Variants in ZNF107 observed in about 807,000 individuals in gnomAD.
ZNF107 encodes zinc finger protein 107.
A neutral mutation model predicts 12.3 loss-of-function variants in ZNF107; 19 were observed. That is an observed-to-expected ratio of 1.55 (90% CI 1.08 to 2.27). ZNF107 has a LOEUF of 2.27. ZNF107 is among the 30% of genes most tolerant of loss of function. The pLI is 0.00. For missense variants in ZNF107, 958 were observed against 979.9 expected, an observed-to-expected ratio of 0.98 and a Z score of 0.30; for synonymous variants, 317 against 330.5, an observed-to-expected ratio of 0.96 and a Z score of 0.44.
At chr7:64,666,428 C>G in intron 1 of ZNF107, 143 bp downstream of exon 1, 1 of 1,163,800 alleles carries the variant, frequency 8.6e-7, no homozygotes, top group Non-Finnish European at 1.2e-6. Flanking sequence ...TCCCCCGCGG[C>G]CCCGAGTTCT....
In ZNF107 at chr7:64,708,699, A is replaced by T; in HGVS notation, c.*43A>T. On this transcript the variant is annotated 3_prime_UTR_variant, in exon 4 of 4. Coordinates refer to ENST00000620827, the MANE Select transcript of ZNF107 (RefSeq NM_001282359.2). ...CTACACATAGGAAAATTCATACTGG[A>T]GAGAAACTACAAATGTGAAGAATGT... 6.5e-7 allele frequency: 1 copy of T among 1,536,250 alleles called. No individual in the cohort carries two copies. Among genetic ancestry groups the T allele is most frequent in the Non-Finnish European group, 8.8e-7 (1 of 1,134,958 alleles).
At position 64,690,643 on chromosome 7, in the gene ZNF107, C is replaced by CA. The variant is rs1003148851; in HGVS notation, c.4-598dup. On this transcript the variant is annotated intron_variant, in intron 1 of 3. Coordinates refer to ENST00000620827, the MANE Select transcript of ZNF107 (RefSeq NM_001282359.2). Reference sequence around the variant, plus strand: ...AGATCCAGTAGTTTCCCACAAGTCACAAAAAAATAAACACAGTGAAAATTT... The same window carrying CA: ...AGATCCAGTAGTTTCCCACAAGTCACAAAAAAAATAAACACAGTGAAAATTT... The CA allele has an allele frequency of 8.9e-5, 58 of 653,188 alleles. No individual in the cohort carries two copies. The African/African-American group carries it at 9.1e-4, about 10-fold the overall frequency. The allele number at this position is 653,188 out of a possible 1,614,324, so 40.5% of individuals were successfully genotyped here.
intron 1 of ZNF107, among the ~76,000 whole-genome samples, chr7:64,666,888 G>A (rs896004641): frequency 3.5e-5 from 5 of 142,624 alleles, no homozygotes; most frequent in African/African-American, 5.5e-5. Context: ...GTTAGGTAGA[G>A]TTACGTAGTT....
Position 64,707,484 on chromosome 7 carries a change from A to C in ZNF107, c.1387A>C (p.Asn463His). Residue 463 changes from asparagine (N) to histidine (H), a missense_variant, in exon 4 of 4, where the codon AAC becomes CAC. Transcript: ENST00000620827. ...ATGTGAAGAATGTGGCAAAGCTTTT[A>C]ACCAACACTCAAACCTAATTAACCA... The part of the protein sequence containing the change: ...YKCEECGKAF[N>H]QHSNLINHRK... The C allele has an allele frequency of 6.2e-7, 1 of 1,613,506 alleles. No individual in the cohort carries two copies. Among genetic ancestry groups the C allele is most frequent in the Non-Finnish European group, 8.5e-7 (1 of 1,179,698 alleles).
rs752560543 is a variant in ZNF107, at chr7:64,707,876, C to A, written c.1779C>A (p.Asn593Lys). The change falls in exon 4 of 4, where the codon AAC becomes AAA. Residue 593 changes from asparagine (N) to lysine (K), a missense_variant. Physicochemically the swap from Asn to Lys is moderately conservative, Grantham distance 94. Coordinates refer to ENST00000620827, the MANE Select transcript of ZNF107 (RefSeq NM_001282359.2). ...HKIVHTKEKL[N>K]KCEEFGKAFK... ...TAGTTCATACTAAAGAGAAACTCAA[C>A]AAATGTGAAGAATTTGGCAAGGCCT... 4.3e-6 allele frequency: 7 copies of A among 1,613,548 alleles called. No homozygotes were observed. Among genetic ancestry groups the A allele is most frequent in the Non-Finnish European group, 2.5e-6 (3 of 1,179,802 alleles).
intron 1 of ZNF107, among the ~76,000 whole-genome samples, chr7:64,680,869 A>G (rs535877557): frequency 3.0e-4 from 46 of 152,324 alleles, no homozygotes; most frequent in Non-Finnish European, 6.3e-4. Context: ...CTCCGCCGTA[A>G]GACGAACCCC....
At chr7:64,692,411 T>C (rs1345356960) in intron 3 of ZNF107, among the ~76,000 whole-genome samples, 1 of 152,220 alleles carries the variant, frequency 6.6e-6, no homozygotes, top group African/African-American at 2.4e-5. Flanking sequence ...TCTGTTGTTA[T>C]TACTATAGTC....
chr7:64,677,628 C>T (rs767423609), intron 1 of ZNF107, among the ~76,000 whole-genome samples: 4 of 150,956 alleles, frequency 2.6e-5, no homozygotes, highest in South Asian at 2.1e-4. Flanking sequence ...CCGAGGCGGG[C>T]GGATCATGAG....
intron 1 of ZNF107, among the ~76,000 whole-genome samples, chr7:64,675,555 T>G (rs994271979): frequency 1.3e-5 from 2 of 152,158 alleles, no homozygotes; most frequent in Non-Finnish European, 2.9e-5. Flanking sequence ...ACTCCTAGGT[T>G]TCTTGATCTT....
intron 2 of ZNF107, 58 bp from the exon 3 acceptor site, chr7:64,691,807 T>G: frequency 2.0e-6 from 2 of 983,218 alleles, no homozygotes; most frequent in Non-Finnish European, 2.7e-6. Context: ...CCTTACTGGA[T>G]TAGTAATTGG....
Position 64,695,634 on chromosome 7 carries a change from A to G in ZNF107, c.226+3674A>G, listed in dbSNP as rs181279419. Among the ~76,000 whole-genome samples the G allele has an allele frequency of 4.2e-3, 641 of 152,314 alleles. 7 individuals carry two copies. Among genetic ancestry groups the G allele is most frequent in the Middle Eastern group, 6.8e-3 (2 of 294 alleles). The stretch of plus-strand genomic sequence containing the variant: ...GCCATATGTCTATTACAATCAGATT[A>G]TATATGTGCGTGTTTTATATATAAA... On this transcript the variant is annotated intron_variant, in intron 3 of 3. Transcript: ENST00000620827.
chr7:64,691,065 G>T (rs1260521612), intron 1 of ZNF107, among the ~76,000 whole-genome samples, 183 bp from the exon 2 acceptor site: 1 of 152,204 alleles, frequency 6.6e-6, no homozygotes, highest in East Asian at 1.9e-4. Context: ...GTAGAGACGG[G>T]GTTTCACCAT....
Position 64,710,465 on chromosome 7 carries a change from G to A in ZNF107, c.*1809G>A, listed in dbSNP as rs1255113733. 1 of 152,116 alleles carries A rather than the reference G, an allele frequency of 6.6e-6. No individual in the cohort carries two copies. Among genetic ancestry groups the A allele is most frequent in the East Asian group, 1.9e-4 (1 of 5,196 alleles). 9.4% of individuals were successfully genotyped at this position (152,116 alleles called of 1,614,324 possible). A position where few individuals can be genotyped will look rare whatever the true frequency, so the allele number is the denominator to read the frequency against. ...TATAAATATCAGAGAATTCACAGTAGAAATATCTAAGGTACTGACACTTCA... is the reference window on the plus strand; with the variant it reads ...TATAAATATCAGAGAATTCACAGTAAAAATATCTAAGGTACTGACACTTCA... On this transcript the variant is annotated 3_prime_UTR_variant, in exon 4 of 4. Transcript: ENST00000620827.
chr7:64,691,410 C>A, intron 2 of ZNF107, 36 bp downstream of exon 2: 2 of 1,372,836 alleles, frequency 1.5e-6, no homozygotes, highest in Non-Finnish European at 1.9e-6. Flanking sequence ...CCCAAAATAC[C>A]CTTAAAGTTT....
rs1426095566 is a variant in ZNF107 at position 64,707,423 on chromosome 7, A to G, written c.1326A>G (p.Glu442=). The G allele has an allele frequency of 1.2e-6, 2 of 1,613,286 alleles. No individual in the cohort carries two copies. Among genetic ancestry groups the G allele is most frequent in the Admixed American group, 1.7e-5 (1 of 59,936 alleles). Residue 442 remains glutamate (E), a synonymous_variant, in exon 4 of 4, where the codon GAA becomes GAG. Transcript: ENST00000620827. ...KAFNQSSNLT[E]HKKIHTAEKS... ...TTAACCAATCTTCAAACCTTACTGA[A>G]CATAAGAAAATTCATACTGCAGAGA...
rs930873034 is a variant in ZNF107 at position 64,710,352 on chromosome 7, A to T, written c.*1696A>T. ...GTGAAAACATTTTTTAAAAAACTAC[A>T]GCTTAGAAAATACCAGAGGCCTCAT... is the stretch of plus-strand genomic sequence containing the variant. On this transcript the variant is annotated 3_prime_UTR_variant, in exon 4 of 4. Coordinates refer to ENST00000620827, the MANE Select transcript of ZNF107 (RefSeq NM_001282359.2). The T allele has an allele frequency of 6.6e-6, 1 of 152,192 alleles. No homozygotes were observed. The highest frequency in any genetic ancestry group is 1.5e-5 in the Non-Finnish European group (1 of 68,022). The allele number at this position is 152,192 out of a possible 1,614,324, so 9.4% of individuals were successfully genotyped here.
rs773322284 is a variant in ZNF107, at chr7:64,691,937, A to G, written c.203A>G (p.His68Arg). ...AAAGAGCCCTGGAATATAAAAAGACATGAGATGGTAGCCAAACCCCCAGGT... is the reference window on the plus strand; with the variant it reads ...AAAGAGCCCTGGAATATAAAAAGACGTGAGATGGTAGCCAAACCCCCAGGT... ...QKKEPWNIKRHEMVAKPPVMS... is the reference protein window; with the variant it reads ...QKKEPWNIKRREMVAKPPVMS... The change falls in exon 3 of 4, where the codon CAT becomes CGT. Residue 68 changes from histidine (H) to arginine (R), a missense_variant. Coordinates refer to ENST00000620827, the MANE Select transcript of ZNF107 (RefSeq NM_001282359.2). The G allele has an allele frequency of 6.6e-7, 1 of 1,524,988 alleles. No homozygotes were observed. The highest frequency in any genetic ancestry group is 8.8e-7 in the Non-Finnish European group (1 of 1,138,524). The allele number at this position is 1,524,988 out of a possible 1,614,324, so 94.5% of individuals were successfully genotyped here. A position where few individuals can be genotyped will look rare whatever the true frequency, so the allele number is the denominator to read the frequency against.
chr7:64,688,919 C>T (rs1790019993), intron 1 of ZNF107, among the ~76,000 whole-genome samples: 1 of 151,956 alleles, frequency 6.6e-6, no homozygotes, highest in Non-Finnish European at 1.5e-5. Flanking sequence ...TTTTTGTAAA[C>T]AAATGAGAGT....
At position 64,674,205 on chromosome 7, in the gene ZNF107, G is replaced by A. The variant is rs117753103; in HGVS notation, c.3+7920G>A. 1.6e-4 allele frequency among the ~76,000 whole-genome samples: 25 copies of A among 152,082 alleles called. No homozygotes were observed. In the East Asian group the frequency reaches 3.7e-3, roughly 22 times the overall value. ...TTAGATCTGTACATTTCTTTGGGCA[G>A]TATGGCCATTTTAATAATTTTGATC... is the stretch of plus-strand genomic sequence containing the variant. On this transcript the variant is annotated intron_variant, in intron 1 of 3. Transcript: ENST00000620827.
Sources: allele counts gnomAD v4.1 joint callset (sites outside exome capture counted in the v4.1 genomes callset), GRCh38; gene constraint gnomAD v4.1.1; transcripts MANE v1.5; gene names NCBI Gene and HGNC (gene_info 2026-07-23, HGNC 2026-07-21).